TLCD3B: variants seen among roughly 807,000 people sequenced by gnomAD.
TLCD3B encodes ceramide synthase.
TLCD3B carries 9 observed loss-of-function variants against 23.0 expected under a neutral mutation model. The ratio of observed to expected loss-of-function variants is 0.39; its 90% CI spans 0.24 to 0.68. The LOEUF (loss-of-function observed/expected upper bound fraction) is 0.68, where lower values mean the gene tolerates loss of function less well. Among genes scored for constraint, TLCD3B ranks in the 30% least tolerant of loss-of-function variants. The pLI is 0.44. For missense variants in TLCD3B, 307 were observed against 371.8 expected (o/e 0.83, Z 1.43); for synonymous variants, 161 against 161.0 (o/e 1.00, Z 0.00).
rs2071093907 is a variant in TLCD3B, at chr16:30,025,666, G to A, written c.540+60C>T. 6.4e-7 allele frequency: 1 copy of A among 1,566,590 alleles called. No homozygotes were observed. Among genetic ancestry groups the A allele is most frequent in the Admixed American group, 1.7e-5 (1 of 59,932 alleles). ...TAGAGCCCTTGGCAGCAACCTTGAA[G>A]GTCCCTCCCCTTCCTGTGACCTCCC... On this transcript the variant is annotated intron_variant, in intron 4 of 4. Coordinates refer to ENST00000380495, the MANE Select transcript of TLCD3B (RefSeq NM_031478.6). The surrounding 1 kb of genome is among the most constrained non-coding windows in gnomAD (Gnocchi z 4.1).
chr16:30,025,242 C>G lies in TLCD3B; in HGVS notation c.766G>C (p.Ala256Pro). ...LYWFFLICRG[A>P]CRLFWPRSRP... Reference sequence around the variant, plus strand: ...GAGCGGGGCCAGAAGAGGCGGCAGGCCCCACGGCAGATGAGGAAGAACCAG... The same window carrying G: ...GAGCGGGGCCAGAAGAGGCGGCAGGGCCCACGGCAGATGAGGAAGAACCAG... Residue 256 changes from alanine to proline, a missense_variant, in exon 5 of 5, where the codon GCC becomes CCC. Ala to Pro is a conservative substitution (Grantham distance 27, BLOSUM62 -1). Coordinates refer to ENST00000380495, the MANE Select transcript of TLCD3B (RefSeq NM_031478.6). The surrounding 1 kb of genome is among the most constrained non-coding windows in gnomAD (Gnocchi z 4.1). 6.5e-7 allele frequency: 1 copy of G among 1,531,780 alleles called. No homozygotes were observed. The highest frequency in any genetic ancestry group is 8.8e-7 in the Non-Finnish European group (1 of 1,140,508). The allele number at this position is 1,531,780 out of a possible 1,614,324, so 94.9% of individuals were successfully genotyped here.
intron 2 of TLCD3B, among the ~76,000 whole-genome samples, chr16:30,045,286 TG>T: frequency 7.2e-6 from 1 of 138,342 alleles, no homozygotes; most frequent in Non-Finnish European, 1.6e-5. Flanking sequence ...GGTGTGTGTG[TG>T]GTGGGGTGTG....
chr16:30,029,983 A>C lies in TLCD3B; in HGVS notation c.125+420T>G, dbSNP rs2071304218. 2.3e-6 allele frequency: 3 copies of C among 1,287,052 alleles called. No homozygotes were observed. The highest frequency in any genetic ancestry group is 3.1e-6 in the Non-Finnish European group (3 of 970,834). 79.7% of individuals were successfully genotyped at this position (1,287,052 alleles called of 1,614,324 possible). ...TGTCTCCTGACTGCCACCAGCCTCC[A>C]CTCTGCACTCTGGCCCTGTTCTAGG... On this transcript the variant is annotated intron_variant, in intron 1 of 4. Transcript: ENST00000380495. This position sits in a 1 kb window ranked among gnomAD's most constrained non-coding sequence, Gnocchi z 4.6.
At chr16:30,032,275 A>G (rs1028586624), upstream of TLCD3B, among the ~76,000 whole-genome samples, 1 of 152,128 alleles carries the variant, frequency 6.6e-6, no homozygotes, top group African/African-American at 2.4e-5. Context: ...CTTCAGCATG[A>G]CAAGGGCCTG....
chr16:30,041,305 C>G (rs1372540311), intron 2 of TLCD3B: 2 of 150,864 alleles, frequency 1.3e-5, no homozygotes, highest in African/African-American at 4.9e-5. Flanking sequence ...AGACAGAGTC[C>G]CACTCTGTTG....
At chr16:30,026,271 G>A (rs2071128786) in intron 3 of TLCD3B, among the ~76,000 whole-genome samples, 1 of 152,092 alleles carries the variant, frequency 6.6e-6, no homozygotes, top group South Asian at 2.1e-4. Flanking sequence ...CTGGGTGCAG[G>A]AGCAGGTGCA....
chr16:30,045,033 C>T (rs2071638650), intron 2 of TLCD3B, among the ~76,000 whole-genome samples: 1 of 120,768 alleles, frequency 8.3e-6, no homozygotes, highest in African/African-American at 3.2e-5. Flanking sequence ...GTGGAGATTT[C>T]AGTGAGCCAA....
Position 30,030,639 on chromosome 16 carries a change from A to C in TLCD3B, c.-112T>G. 10 of 1,198,536 alleles carry C rather than the reference A, an allele frequency of 8.3e-6. No homozygotes were observed. The highest frequency in any genetic ancestry group is 1.1e-4 in the East Asian group (2 of 18,004). 74.2% of individuals were successfully genotyped at this position (1,198,536 alleles called of 1,614,324 possible). ...GCCAAGCCCGGGAAGGAGGGAGAAA[A>C]CGATGAGAAGGGGCACAAAGGGGCC... is the stretch of plus-strand genomic sequence containing the variant. On this transcript the variant is annotated 5_prime_UTR_variant, in exon 1 of 5. Coordinates refer to ENST00000380495, the MANE Select transcript of TLCD3B (RefSeq NM_031478.6).
In TLCD3B at chr16:30,029,632, C is replaced by A; in HGVS notation, c.126-117G>T. The A allele has an allele frequency of 1.1e-6, 1 of 873,106 alleles. No individual in the cohort carries two copies. The allele number at this position is 873,106 out of a possible 1,614,324, so 54.1% of individuals were successfully genotyped here. A position where few individuals can be genotyped will look rare whatever the true frequency, so the allele number is the denominator to read the frequency against. ...GCGTTCAGCCACTTCTCGGGCCAGTCCTTGCCTGCCTTCGCCCAAGGCTGG... is the reference window on the plus strand; with the variant it reads ...GCGTTCAGCCACTTCTCGGGCCAGTACTTGCCTGCCTTCGCCCAAGGCTGG... On this transcript the variant is annotated intron_variant, in intron 1 of 4. Transcript: ENST00000380495. The surrounding 1 kb of genome is among the most constrained non-coding windows in gnomAD (Gnocchi z 4.6).
rs767854381 is a variant in TLCD3B, at chr16:30,029,417, T to A, written c.209+15A>T. The A allele has an allele frequency of 1.2e-6, 2 of 1,612,302 alleles. No individual in the cohort carries two copies. The highest frequency in any genetic ancestry group is 4.5e-5 in the East Asian group (2 of 44,854). ...CCACTGGCACCTGGGCAGGGGGGTG[T>A]CTCGCAGCACTTACTGGTCATCAAT... On this transcript the variant is annotated intron_variant, in intron 2 of 4. Transcript: ENST00000380495. This position sits in a 1 kb window ranked among gnomAD's most constrained non-coding sequence, Gnocchi z 4.6.
At chr16:30,036,319 A>C (rs1299879223) in intron 3 of TLCD3B, 3 of 1,288,932 alleles carry the variant, frequency 2.3e-6, no homozygotes, top group Non-Finnish European at 3.0e-6. Context: ...CCATTAAAAA[A>C]GAAAACAAAA....
chr16:30,045,970 C>T (rs1253435572), intron 2 of TLCD3B, among the ~76,000 whole-genome samples: 2 of 151,824 alleles, frequency 1.3e-5, no homozygotes, highest in Non-Finnish European at 2.9e-5. Flanking sequence ...ATTAGCTGGG[C>T]GTGGTGCTGT....
chr16:30,030,370 A>G (rs1389603556), intron 1 of TLCD3B, 33 bp downstream of exon 1: 1 of 1,519,716 alleles, frequency 6.6e-7, no homozygotes, highest in East Asian at 2.3e-5. Flanking sequence ...CCCAAGAAGC[A>G]GACAGGGGCT....
chr16:30,048,927 T>C (rs529632129), intron 1 of TLCD3B, among the ~76,000 whole-genome samples: 1 of 152,252 alleles, frequency 6.6e-6, no homozygotes, highest in East Asian at 1.9e-4. Context: ...CCTGCCACCA[T>C]GCCCAGCTAA....
chr16:30,041,758 T>C lies in TLCD3B; in HGVS notation c.-228-602A>G, dbSNP rs1004784787. Among the ~76,000 whole-genome samples the C allele has an allele frequency of 1.9e-4, 28 of 147,642 alleles. No individual in the cohort carries two copies. The South Asian group carries it at 6.0e-3, about 32-fold the overall frequency. On this transcript the variant is annotated intron_variant, in intron 2 of 6. Transcript: ENST00000561666. ...AAAAAAAGTGTTGGGATTACAGAGG[T>C]GAGCCATGGCGCCCAGCCGAGATAT...
chr16:30,049,641 G>A (rs914770574), intron 1 of TLCD3B, among the ~76,000 whole-genome samples: 4 of 151,924 alleles, frequency 2.6e-5, no homozygotes, highest in African/African-American at 2.4e-5. Flanking sequence ...GTGGGGCCTC[G>A]GCACAGCCAG....
chr16:30,029,373 G>A lies in TLCD3B; in HGVS notation c.209+59C>T. ...CCCTCCAAGATGTGGGGTCTTCCGG[G>A]ATTACCCGTACACGCCAACCACTGG... On this transcript the variant is annotated intron_variant, in intron 2 of 4. Coordinates refer to ENST00000380495, the MANE Select transcript of TLCD3B (RefSeq NM_031478.6). This position sits in a 1 kb window ranked among gnomAD's most constrained non-coding sequence, Gnocchi z 4.6. 1 of 1,482,462 alleles carries A rather than the reference G, an allele frequency of 6.7e-7. No individual in the cohort carries two copies. Among genetic ancestry groups the A allele is most frequent in the Non-Finnish European group, 9.4e-7 (1 of 1,065,500 alleles). 91.8% of individuals were successfully genotyped at this position (1,482,462 alleles called of 1,614,324 possible).
At chr16:30,037,939 A>G (rs2071505289) in intron 3 of TLCD3B, among the ~76,000 whole-genome samples, 1 of 152,214 alleles carries the variant, frequency 6.6e-6, no homozygotes, top group Admixed American at 6.6e-5. Context: ...TCAAATTCAG[A>G]AAAGCAAAAC....
At chr16:30,042,249 A>AT (rs1210100603) in intron 2 of TLCD3B, among the ~76,000 whole-genome samples, 1 of 151,082 alleles carries the variant, frequency 6.6e-6, no homozygotes, top group South Asian at 2.1e-4. Context: ...ATTTTATTTT[A>AT]TTTTTTTCAG....
Sources: gnomAD v4.1 joint callset for allele counts (sites outside exome capture counted in the v4.1 genomes callset) on GRCh38, gnomAD v4.1.1 for gene constraint, Gnocchi (gnomAD v3.1) non-coding constraint, MANE v1.5 for transcripts, NCBI Gene and HGNC (gene_info 2026-07-23, HGNC 2026-07-21) for gene names.